The following TENM2 variants were observed in gnomAD, a reference collection of about 807,000 sequenced individuals.
TENM2 encodes teneurin transmembrane protein 2.
TENM2 carries 52 observed loss-of-function variants against 245.2 expected under a neutral mutation model. The observed-to-expected ratio is 0.21, with a 90% CI of 0.17 to 0.27. The LOEUF (loss-of-function observed/expected upper bound fraction) is 0.27. Ranked by LOEUF, TENM2 falls within the 10% of genes least tolerant of loss-of-function variation. The pLI, the probability that TENM2 is intolerant of heterozygous loss-of-function variation, is 1.00. For synonymous variants in TENM2, 1,363 were observed against 1,438.9 expected (o/e 0.95, Z 1.19); for missense variants, 3,046 against 3,666.8 (o/e 0.83, Z 4.37).
chr5:168,217,226 C>T (rs1196560928), intron 22 of TENM2, among the ~76,000 whole-genome samples: 1 of 152,202 alleles, frequency 6.6e-6, no homozygotes, highest in African/African-American at 2.4e-5. Flanking sequence ...CCTCCCTTCT[C>T]CATCATTATT....
At chr5:168,256,425 TTC>T (rs1249174511) in intron 27 of TENM2, among the ~76,000 whole-genome samples, 1 of 116,630 alleles carries the variant, frequency 8.6e-6, no homozygotes, top group East Asian at 2.0e-4. Flanking sequence ...CAAACTTGTA[TTC>T]TTTTTTTTTT....
chr5:167,900,135 G>GAAAAAAAAAAAAAAAAAA (rs1266899709), intron 3 of TENM2, among the ~76,000 whole-genome samples: 5 of 77,934 alleles, frequency 6.4e-5, no homozygotes, highest in African/African-American at 2.9e-4. Flanking sequence ...AAAAAAAAAG[G>GAAAAAAAAAAAAAAAAAA]GGGGGGGGGT....
At position 167,988,522 on chromosome 5, in the gene TENM2, A is replaced by G. The variant is rs115743490; in HGVS notation, c.948-4422A>G. ...AGGAAGATCTCTCTGAAAAAGTGCT[A>G]TGAGAGCAGAGATTGAAGGAACAAG... On this transcript the variant is annotated intron_variant, in intron 4 of 28. Coordinates refer to ENST00000518659, the Ensembl canonical transcript of TENM2. Among the ~76,000 whole-genome samples the G allele has an allele frequency of 4.3e-3, 654 of 152,334 alleles. 6 individuals are homozygous for G. Among genetic ancestry groups the G allele is most frequent in the African/African-American group, 0.015 (628 of 41,578 alleles).
the TENM2 span, among the ~76,000 whole-genome samples, chr5:167,171,547 G>C: frequency 6.6e-6 from 1 of 152,148 alleles, no homozygotes; most frequent in Non-Finnish European, 1.5e-5. Flanking sequence ...CCAGGGATGA[G>C]CAACCATGAA....
chr5:167,228,116 C>T, the TENM2 span, among the ~76,000 whole-genome samples: 1 of 152,180 alleles, frequency 6.6e-6, no homozygotes, highest in East Asian at 1.9e-4. Context: ...GCAACCTCTG[C>T]CTCCTGGCTT....
At chr5:167,270,083 G>T in the TENM2 span, among the ~76,000 whole-genome samples, 1 of 152,148 alleles carries the variant, frequency 6.6e-6, no homozygotes, top group Non-Finnish European at 1.5e-5. Flanking sequence ...AAGAATGAGT[G>T]ATGTAGTTAG....
chr5:168,114,641 A>G (rs981104728), intron 9 of TENM2, among the ~76,000 whole-genome samples: 6 of 152,302 alleles, frequency 3.9e-5, no homozygotes, highest in African/African-American at 1.4e-4. Flanking sequence ...ACTCTGCCCC[A>G]TGGCAACTGG....
At chr5:167,231,513 T>G in the TENM2 span, among the ~76,000 whole-genome samples, 1 of 152,164 alleles carries the variant, frequency 6.6e-6, no homozygotes, top group Non-Finnish European at 1.5e-5. Flanking sequence ...TCTTTGGAAC[T>G]TTGAATTTAA....
At chr5:167,199,005 G>A in the TENM2 span, among the ~76,000 whole-genome samples, 2 of 148,478 alleles carry the variant, frequency 1.3e-5, no homozygotes, top group Admixed American at 6.8e-5. Context: ...AGAAGTCTTC[G>A]TGAATAAAAA....
chr5:167,288,498 G>A (rs546292097), intron 1 of TENM2, among the ~76,000 whole-genome samples: 1 of 150,930 alleles, frequency 6.6e-6, no homozygotes, highest in South Asian at 2.1e-4. Flanking sequence ...GGCGGAGCTT[G>A]CAGTGAGCGG....
chr5:167,220,115 C>G, the TENM2 span, among the ~76,000 whole-genome samples: 1 of 152,082 alleles, frequency 6.6e-6, no homozygotes, highest in Admixed American at 6.5e-5. Flanking sequence ...ATTTGCTGGC[C>G]CTTTGAACTA....
intron 2 of TENM2, among the ~76,000 whole-genome samples, chr5:167,784,730 G>C (rs886564851): frequency 1.3e-5 from 2 of 152,008 alleles, no homozygotes; most frequent in African/African-American, 4.8e-5. Context: ...TAATTCTTTT[G>C]TTCCAAAAAG....
intron 2 of TENM2, among the ~76,000 whole-genome samples, chr5:167,791,733 T>C (rs532215553): frequency 3.9e-5 from 6 of 151,980 alleles, no homozygotes; most frequent in African/African-American, 9.6e-5. Context: ...ATGACCGACA[T>C]AGTGCTTAAG....
At chr5:167,028,288 A>C in the TENM2 span, among the ~76,000 whole-genome samples, 1 of 152,156 alleles carries the variant, frequency 6.6e-6, no homozygotes, top group African/African-American at 2.4e-5. Flanking sequence ...TACAAGACAC[A>C]TAAAAATGAA....
chr5:167,544,920 A>T (rs573229336), intron 2 of TENM2, among the ~76,000 whole-genome samples: 4 of 152,182 alleles, frequency 2.6e-5, no homozygotes, highest in Admixed American at 1.3e-4. Context: ...ATGTGAAGGT[A>T]TATTCTGTAA....
intron 2 of TENM2, among the ~76,000 whole-genome samples, chr5:167,613,253 C>T (rs760864631): frequency 5.3e-5 from 8 of 152,068 alleles, no homozygotes; most frequent in Admixed American, 1.3e-4. Flanking sequence ...TGTAAAATCA[C>T]GATAATAAAA....
the TENM2 span, among the ~76,000 whole-genome samples, chr5:167,228,971 A>G: frequency 6.6e-6 from 1 of 152,152 alleles, no homozygotes; most frequent in African/African-American, 2.4e-5. Context: ...AAGTGCTGGG[A>G]TTACAGGCGT....
intron 2 of TENM2, among the ~76,000 whole-genome samples, chr5:167,717,016 G>A (rs1018853340): frequency 1.2e-4 from 18 of 151,230 alleles, no homozygotes; most frequent in African/African-American, 4.4e-4. Flanking sequence ...CTGGAGTGGA[G>A]TGCAGTGGTG....
intron 2 of TENM2, among the ~76,000 whole-genome samples, chr5:167,679,081 G>A (rs2150370328): frequency 6.6e-6 from 1 of 152,156 alleles, no homozygotes; most frequent in East Asian, 1.9e-4. Flanking sequence ...CACATTATGA[G>A]CTCTAAGCAT....
Sources: allele counts gnomAD v4.1 joint callset (sites outside exome capture counted in the v4.1 genomes callset), GRCh38; gene constraint gnomAD v4.1.1; transcripts MANE v1.5; gene names NCBI Gene and HGNC (gene_info 2026-07-23, HGNC 2026-07-21).